PCDHA12: variants seen among roughly 807,000 people sequenced by gnomAD.
PCDHA12 encodes the protein protocadherin alpha 12, also known as protocadherin alpha-12.
In PCDHA12, 44 loss-of-function variants were observed where a neutral mutation model predicts 60.0. That is an observed-to-expected ratio of 0.73 (90% confidence interval 0.58 to 0.94). The LOEUF (loss-of-function observed/expected upper bound fraction) is 0.94. Ranked by LOEUF, PCDHA12 falls within the 40% of genes least tolerant of loss-of-function variation. The pLI is 0.00. For synonymous variants in PCDHA12, 569 were observed against 553.0 expected, an observed-to-expected ratio of 1.03 and a Z score of -0.40; for missense variants, 1,276 against 1,239.7, an observed-to-expected ratio of 1.03 and a Z score of -0.44.
intron 3 of PCDHA12, among the ~76,000 whole-genome samples, chr5:141,000,885 G>C (rs1213239926): frequency 6.6e-6 from 1 of 151,922 alleles, no homozygotes; most frequent in African/African-American, 2.4e-5. Context: ...TCCAACCTGG[G>C]CAACAGATAT....
At chr5:140,968,852 A>G (rs1554231175) in intron 1 of PCDHA12, 1 of 1,614,196 alleles carries the variant, frequency 6.2e-7, no homozygotes, top group Non-Finnish European at 8.5e-7. Flanking sequence ...GAGGCATGTT[A>G]AGAGCCCTCG....
chr5:141,004,642 C>T (rs1470971220), intron 3 of PCDHA12, among the ~76,000 whole-genome samples: 1 of 152,120 alleles, frequency 6.6e-6, no homozygotes, highest in African/African-American at 2.4e-5. Context: ...GAAAAATTTC[C>T]ATTTTGGGCT....
At chr5:140,882,989 G>A (rs567590369) in intron 1 of PCDHA12, 3 of 1,614,130 alleles carry the variant, frequency 1.9e-6, no homozygotes, top group African/African-American at 1.3e-5. Context: ...CAACGCCCCG[G>A]AATTTTACCA....
intron 2 of PCDHA12, 138 bp from the exon 3 acceptor site, chr5:140,982,337 A>G: frequency 6.9e-7 from 1 of 1,455,066 alleles, no homozygotes; most frequent in East Asian, 2.5e-5. Context: ...CTCAGCAGTA[A>G]TTGCTTCAGT....
rs781896642 is a variant in PCDHA12, at chr5:140,875,556, C to A, written c.84C>A (p.Ser28Arg). The stretch of plus-strand genomic sequence containing the variant: ...TCCTTGCAGCCTGGGAGGTGGGGAG[C>A]GGCCAGCTCCACTACTCCGTCTACG... ...LLLLAAWEVG[S>R]GQLHYSVYEE... The change falls in exon 1 of 4, where the codon AGC (serine) becomes AGA (arginine). Residue 28 changes from serine to arginine, a missense_variant. Ser to Arg is a moderately radical substitution (Grantham distance 110). Coordinates refer to ENST00000398631, the MANE Select transcript of PCDHA12 (RefSeq NM_018903.4). 2 of 1,614,010 alleles carry A rather than the reference C, an allele frequency of 1.2e-6. No individual in the cohort carries two copies. The highest frequency in any genetic ancestry group is 1.7e-6 in the Non-Finnish European group (2 of 1,180,040).
chr5:140,967,636 T>G, intron 1 of PCDHA12: 2 of 1,614,138 alleles, frequency 1.2e-6, no homozygotes, highest in Non-Finnish European at 1.7e-6. Context: ...GCTCCAATGG[T>G]GAGCTCAGGT....
intron 1 of PCDHA12, among the ~76,000 whole-genome samples, chr5:140,964,804 G>A (rs1484818069): frequency 6.6e-6 from 1 of 152,012 alleles, no homozygotes; most frequent in African/African-American, 2.4e-5. Context: ...CAAGAAAGGA[G>A]ACAGGAATAG....
chr5:140,924,902 AAAATAAAAT>A (rs1211271652), intron 1 of PCDHA12, among the ~76,000 whole-genome samples: 3 of 39,024 alleles, frequency 7.7e-5, no homozygotes, highest in African/African-American at 2.3e-4. Context: ...CTCAAAAAAA[AAAATAAAAT>A]AAAATAAAAT....
At chr5:140,944,746 A>G (rs1009788923) in intron 1 of PCDHA12, among the ~76,000 whole-genome samples, 6 of 152,214 alleles carry the variant, frequency 3.9e-5, no homozygotes, top group African/African-American at 1.4e-4. Context: ...GAGCATTTAC[A>G]TGGAAAAAAT....
chr5:140,945,534 TACAA>T (rs1326981055), intron 1 of PCDHA12, among the ~76,000 whole-genome samples: 1 of 151,454 alleles, frequency 6.6e-6, no homozygotes, highest in African/African-American at 2.4e-5. Flanking sequence ...AAACAAAACA[TACAA>T]ACAAAAAAAT....
intron 1 of PCDHA12, among the ~76,000 whole-genome samples, chr5:140,925,964 C>CA (rs782520997): frequency 4.3e-4 from 65 of 150,204 alleles, no homozygotes; most frequent in Middle Eastern, 3.4e-3. Flanking sequence ...TGCTATCACG[C>CA]AAAAAAAAAG....
Position 140,877,431 on chromosome 5 carries a change from C to T in PCDHA12, c.1959C>T (p.Asp653=), listed in dbSNP as rs782442127. 8.1e-6 allele frequency: 13 copies of T among 1,613,836 alleles called. No homozygotes were observed. The Admixed American group carries it at 2.2e-4, about 27-fold the overall frequency. Residue 653 remains aspartate, a synonymous_variant, in exon 1 of 4, where the codon GAC becomes GAT. Transcript: ENST00000398631. ...ACCGCCTGCTGGTGCTGGTGAAGGA[C>T]CACGGTGAGCCCGCGCTGACGTCCA... The part of the protein sequence containing the change: ...PRHRLLVLVK[D]HGEPALTSTA...
Position 140,875,685 on chromosome 5 carries a change from C to T in PCDHA12, c.213C>T (p.His71=), listed in dbSNP as rs563250653. The T allele has an allele frequency of 6.2e-7, 1 of 1,613,934 alleles. No individual in the cohort carries two copies. The highest frequency in any genetic ancestry group is 1.1e-5 in the South Asian group (1 of 91,064). Residue 71 remains histidine, a synonymous_variant, in exon 1 of 4, where the codon CAC becomes CAT. Coordinates refer to ENST00000398631, the MANE Select transcript of PCDHA12 (RefSeq NM_018903.4). The part of the protein sequence containing the change: ...PRLFRVASKR[H]GDLLEVNLQN... ...TGTTCCGGGTGGCGTCCAAAAGACA[C>T]GGGGACCTTCTGGAGGTAAATCTGC...
At chr5:140,909,951 G>A (rs560555991) in intron 1 of PCDHA12, among the ~76,000 whole-genome samples, 401 of 152,302 alleles carry the variant, frequency 2.6e-3, no homozygotes, top group African/African-American at 8.3e-3. Context: ...GTAAAAAGCC[G>A]TAGGTCTCCA....
chr5:140,987,007 A>C (rs2097221901), intron 3 of PCDHA12, among the ~76,000 whole-genome samples: 1 of 152,142 alleles, frequency 6.6e-6, no homozygotes, highest in African/African-American at 2.4e-5. Context: ...TGAGGTCATG[A>C]GTTCGAGACC....
intron 1 of PCDHA12, among the ~76,000 whole-genome samples, chr5:140,909,031 A>G (rs782567758): frequency 7.9e-5 from 12 of 152,106 alleles, no homozygotes; most frequent in Non-Finnish European, 1.6e-4. Flanking sequence ...TTAGTCATTT[A>G]TTTTCCATAC....
chr5:140,946,374 C>T (rs1371899868), intron 1 of PCDHA12, among the ~76,000 whole-genome samples: 5 of 151,656 alleles, frequency 3.3e-5, no homozygotes, highest in African/African-American at 9.7e-5. Flanking sequence ...CTCTTGCACA[C>T]GGTTGGTAGG....
intron 1 of PCDHA12, among the ~76,000 whole-genome samples, chr5:140,878,960 A>G (rs1028687741): frequency 6.6e-6 from 1 of 152,322 alleles, no homozygotes; most frequent in African/African-American, 2.4e-5. Context: ...GAAATGTATT[A>G]CCTGGACATT....
intron 1 of PCDHA12, chr5:140,882,640 G>C (rs1330929245): frequency 1.2e-6 from 2 of 1,614,068 alleles, no homozygotes; most frequent in Admixed American, 3.3e-5. Context: ...TGAAGGTGAG[G>C]GACATTAACG....
Sources: allele counts gnomAD v4.1 joint callset (sites outside exome capture counted in the v4.1 genomes callset), GRCh38; gene constraint gnomAD v4.1.1; transcripts MANE v1.5; gene names NCBI Gene and HGNC (gene_info 2026-07-23, HGNC 2026-07-21).